Variants in MAP4 observed in about 807,000 individuals in gnomAD.
MAP4 encodes microtubule associated protein 4.
A neutral mutation model predicts 170.2 loss-of-function variants in MAP4; 76 were observed. The ratio of observed to expected loss-of-function variants is 0.45; its 90% CI spans 0.37 to 0.54. The LOEUF is 0.54. MAP4 is among the 20% of genes least tolerant of loss of function. MAP4 has a pLI of 0.00. For missense variants in MAP4, 2,506 were observed against 2,748.0 expected, an observed-to-expected ratio of 0.91 and a Z score of 1.97; for synonymous variants, 909 against 994.5, an observed-to-expected ratio of 0.91 and a Z score of 1.62.
intron 7 of MAP4, 25 bp downstream of exon 7, chr3:47,915,926 A>C: frequency 6.3e-7 from 1 of 1,581,228 alleles, no homozygotes; most frequent in Non-Finnish European, 8.6e-7. Flanking sequence ...AGAGAGAAAT[A>C]CTGAGAATAA....
At chr3:47,992,474 G>A (rs1340061917) in intron 2 of MAP4, among the ~76,000 whole-genome samples, 6 of 151,956 alleles carry the variant, frequency 3.9e-5, no homozygotes, top group African/African-American at 1.5e-4. Context: ...CACCCAGGCT[G>A]CAGCACAGTG....
chr3:47,931,908 A>C (rs540103518), intron 3 of MAP4: 3 of 152,142 alleles, frequency 2.0e-5, no homozygotes, highest in Non-Finnish European at 4.4e-5. Flanking sequence ...CTACCTTTGG[A>C]CCAGCCTCTT....
chr3:47,901,931 G>C (rs1016650599), intron 10 of MAP4, among the ~76,000 whole-genome samples: 4 of 152,018 alleles, frequency 2.6e-5, no homozygotes, highest in African/African-American at 9.7e-5. Flanking sequence ...AGGCCAAGGA[G>C]GAAGGATTGC....
chr3:47,881,495 T>TGCA lies in MAP4; in HGVS notation c.5435-3973_5435-3972insTGC, dbSNP rs1164822373. ...ATATATATATATATATATATATATA[T>TGCA]ATGCATAATCATTATATATAGCTAC... is the stretch of plus-strand genomic sequence containing the variant. On this transcript the variant is annotated intron_variant, in intron 10 of 20. Transcript: ENST00000683076. Among the ~76,000 whole-genome samples, 4 of 98,276 alleles carry TGCA rather than the reference T, an allele frequency of 4.1e-5. 1 individual carries two copies. The highest frequency in any genetic ancestry group is 3.4e-4 in the East Asian group (1 of 2,936). The allele number at this position is 98,276 out of a possible 152,430, so 64.5% of individuals were successfully genotyped here.
intron 1 of MAP4, among the ~76,000 whole-genome samples, chr3:48,077,954 T>C (rs1309794168): frequency 6.6e-6 from 1 of 152,202 alleles, no homozygotes; most frequent in African/African-American, 2.4e-5. Context: ...ATTGTATGAT[T>C]CCATTAATAT....
At chr3:47,891,148 G>A in intron 10 of MAP4, 4 of 1,536,236 alleles carry the variant, frequency 2.6e-6, no homozygotes, top group Non-Finnish European at 2.6e-6. Context: ...AAACCTGCGA[G>A]CATGAATCAA....
At chr3:47,991,946 T>C (rs1396521337) in intron 2 of MAP4, among the ~76,000 whole-genome samples, 1 of 151,218 alleles carries the variant, frequency 6.6e-6, no homozygotes, top group Non-Finnish European at 1.5e-5. Context: ...GCTGGGATTA[T>C]AGGCGTGAAC....
chr3:48,055,182 C>CTCCG (rs1559867024), intron 1 of MAP4, among the ~76,000 whole-genome samples: 79 of 82,262 alleles, frequency 9.6e-4, no homozygotes, highest in African/African-American at 4.0e-3. Flanking sequence ...AAAAGTCTCC[C>CTCCG]TCTCCCTCTC....
At chr3:47,852,997 CG>C in intron 20 of MAP4, 59 bp from the exon 21 acceptor site, 3 of 1,614,094 alleles carry the variant, frequency 1.9e-6, no homozygotes, top group Non-Finnish European at 2.5e-6. Context: ...GAGGGGAACA[CG>C]GGGGAGACGG....
rs997515647 is a variant in MAP4, at chr3:47,910,544, C to G, written c.3877G>C (p.Val1293Leu). 1.4e-5 allele frequency: 21 copies of G among 1,536,058 alleles called. No homozygotes were observed. The highest frequency in any genetic ancestry group is 1.8e-5 in the Non-Finnish European group (21 of 1,146,892). Residue 1293 changes from valine (V) to leucine (L), a missense_variant, in exon 9 of 21, where the codon GTT becomes CTT. By Grantham distance (32) the Val-to-Leu change is conservative. Coordinates refer to ENST00000683076, the MANE Select transcript of MAP4 (RefSeq NM_001385682.1). The stretch of plus-strand genomic sequence containing the variant: ...AGAGTCCCAAGCTCAACAAAATTAA[C>G]CTGAAAATTTCCACCCTTCCTGTCA... ...AVDRKGGNFQ[V>L]NFVELGTLGE...
intron 1 of MAP4, among the ~76,000 whole-genome samples, chr3:48,081,789 T>C (rs1252326262): frequency 6.6e-6 from 1 of 152,116 alleles, no homozygotes; most frequent in Non-Finnish European, 1.5e-5. Context: ...ACCCTAGCAG[T>C]AATGAGTGCA....
intron 1 of MAP4, among the ~76,000 whole-genome samples, chr3:48,001,854 A>G (rs988476830): frequency 6.1e-4 from 93 of 152,140 alleles, no homozygotes; most frequent in African/African-American, 2.0e-3. Flanking sequence ...GACTATACTA[A>G]TGAGTTCCTA....
In MAP4 at chr3:47,971,655, G is replaced by A. The variant is rs963690812; in HGVS notation, c.292+6210C>T. Among the ~76,000 whole-genome samples the A allele has an allele frequency of 9.9e-5, 15 of 152,150 alleles. No homozygotes were observed. In the East Asian group the frequency reaches 1.2e-3, roughly 12 times the overall value. On this transcript the variant is annotated intron_variant, in intron 3 of 20. Transcript: ENST00000683076. The stretch of plus-strand genomic sequence containing the variant: ...ATAAGAGTAATTTACCTCCATGGTC[G>A]CACAGAGCTTTATCCCACAAATAAT...
chr3:47,919,494 G>A (rs932972505), intron 5 of MAP4, among the ~76,000 whole-genome samples: 1 of 151,144 alleles, frequency 6.6e-6, no homozygotes, highest in African/African-American at 2.4e-5. Context: ...ATTTTTAATA[G>A]AGATGGGGTG....
Position 47,912,130 on chromosome 3 carries a change from G to A in MAP4, c.2291C>T (p.Thr764Ile). 2.0e-6 allele frequency: 3 copies of A among 1,536,148 alleles called. No individual in the cohort carries two copies. Among genetic ancestry groups the A allele is most frequent in the South Asian group, 2.4e-5 (2 of 84,062 alleles). The change falls in exon 9 of 21, where the codon ACA becomes ATA. Residue 764 changes from threonine to isoleucine, a missense_variant. Coordinates refer to ENST00000683076, the MANE Select transcript of MAP4 (RefSeq NM_001385682.1). ...LGREAWDIESTPIMMKKKKKK... is the reference protein window; with the variant it reads ...LGREAWDIESIPIMMKKKKKK... Reference sequence around the variant, plus strand: ...CTTCTTTTTCTTCATCATTATTGGTGTGCTTTCTATATCCCAGGCCTCCCT... The same window carrying A: ...CTTCTTTTTCTTCATCATTATTGGTATGCTTTCTATATCCCAGGCCTCCCT...
At chr3:47,892,577 C>T in intron 10 of MAP4, 2 of 1,439,164 alleles carry the variant, frequency 1.4e-6, no homozygotes, top group Non-Finnish European at 1.8e-6. Context: ...TGACATCACA[C>T]CAATTCCCCA....
At chr3:47,972,132 A>G (rs2100079136) in intron 3 of MAP4, among the ~76,000 whole-genome samples, 1 of 152,256 alleles carries the variant, frequency 6.6e-6, no homozygotes, top group Admixed American at 6.5e-5. Flanking sequence ...TATGCTATGC[A>G]AATTACTTAG....
chr3:47,990,679 C>T (rs1181177471), intron 2 of MAP4, among the ~76,000 whole-genome samples: 1 of 152,086 alleles, frequency 6.6e-6, no homozygotes, highest in Non-Finnish European at 1.5e-5. Context: ...TCTGAAAGAA[C>T]AAGAGTCACA....
intron 7 of MAP4, 92 bp downstream of exon 7, chr3:47,915,855 ACTGT>A (rs2100038469): frequency 2.2e-6 from 3 of 1,361,990 alleles, no homozygotes; most frequent in Admixed American, 4.3e-5. Flanking sequence ...GTACAGTGTG[ACTGT>A]CTGTACTTTA....
Sources: gnomAD v4.1 joint callset for allele counts (sites outside exome capture counted in the v4.1 genomes callset) on GRCh38, gnomAD v4.1.1 for gene constraint, MANE v1.5 for transcripts, NCBI Gene and HGNC (gene_info 2026-07-23, HGNC 2026-07-21) for gene names.